The following GPC5 variants were observed in gnomAD, a reference collection of about 807,000 sequenced individuals.
The protein encoded by GPC5 is glypican-5.
In GPC5, 47 loss-of-function variants were observed where a neutral mutation model predicts 53.9. The observed-to-expected ratio is 0.87, with a 90% CI of 0.69 to 1.11. The LOEUF is 1.11. Ranked by LOEUF, GPC5 falls within the 50% of genes most tolerant of loss-of-function variation. The pLI is 0.00. For synonymous variants in GPC5, 286 were observed against 263.3 expected, an observed-to-expected ratio of 1.09 and a Z score of -0.84; for missense variants, 748 against 713.1, an observed-to-expected ratio of 1.05 and a Z score of -0.56.
intron 7 of GPC5, among the ~76,000 whole-genome samples, chr13:92,521,397 C>G (rs183325561): frequency 6.6e-6 from 1 of 152,134 alleles, no homozygotes; most frequent in Non-Finnish European, 1.5e-5. Context: ...CTACAGTAAC[C>G]GAAACAGCAT....
At chr13:91,455,492 G>A (rs1235711073) in intron 2 of GPC5, among the ~76,000 whole-genome samples, 6 of 151,986 alleles carry the variant, frequency 3.9e-5, no homozygotes, top group Admixed American at 6.6e-5. Context: ...TCTTTATTTT[G>A]TATTTTATTT....
chr13:92,779,439 T>G (rs987732606), intron 7 of GPC5, among the ~76,000 whole-genome samples: 3 of 151,914 alleles, frequency 2.0e-5, no homozygotes, highest in Non-Finnish European at 4.4e-5. Flanking sequence ...CAAATTTCAG[T>G]ACTACCTGCG....
intron 7 of GPC5, among the ~76,000 whole-genome samples, chr13:92,239,420 G>T (rs535251756): frequency 6.6e-6 from 1 of 151,720 alleles, no homozygotes; most frequent in Non-Finnish European, 1.5e-5. Flanking sequence ...GTGAATACCC[G>T]CACAATTCTT....
intron 7 of GPC5, among the ~76,000 whole-genome samples, chr13:92,146,123 A>C (rs1342798735): frequency 6.6e-6 from 1 of 152,146 alleles, no homozygotes. Context: ...AATAGATGAG[A>C]ATTGGTGCAC....
chr13:92,793,859 C>A (rs1434683836), intron 7 of GPC5, among the ~76,000 whole-genome samples: 1 of 152,056 alleles, frequency 6.6e-6, no homozygotes, highest in Non-Finnish European at 1.5e-5. Flanking sequence ...CTGAATAGAC[C>A]AATAACAGGC....
intron 7 of GPC5, among the ~76,000 whole-genome samples, chr13:92,685,335 T>G (rs1310075035): frequency 6.6e-6 from 1 of 151,988 alleles, no homozygotes; most frequent in Non-Finnish European, 1.5e-5. Context: ...CCTTGGGTGA[T>G]CCACCCTCCT....
intron 2 of GPC5, among the ~76,000 whole-genome samples, chr13:91,650,147 T>C (rs1293232642): frequency 6.6e-6 from 1 of 152,122 alleles, no homozygotes; most frequent in Non-Finnish European, 1.5e-5. Context: ...GTATATGAAG[T>C]ATGTATGTTA....
In GPC5 at chr13:92,785,573, G is replaced by A. The variant is rs111494408; in HGVS notation, c.1562-80709G>A. Among the ~76,000 whole-genome samples the A allele has an allele frequency of 6.8e-3, 1,041 of 152,268 alleles. 9 individuals carry two copies. Among genetic ancestry groups the A allele is most frequent in the African/African-American group, 0.022 (909 of 41,566 alleles). ...GTGGAACCCTTTACTCCAATTCTCC[G>A]TGGAATATATAATCAACCTAGGAAT... On this transcript the variant is annotated intron_variant, in intron 7 of 7. Coordinates refer to ENST00000377067, the MANE Select transcript of GPC5 (RefSeq NM_004466.6).
chr13:92,129,611 G>A (rs1174478111), intron 6 of GPC5, among the ~76,000 whole-genome samples: 1 of 152,124 alleles, frequency 6.6e-6, no homozygotes, highest in Non-Finnish European at 1.5e-5. Flanking sequence ...AGACAAACTG[G>A]ATGAAATGGA....
In GPC5 at chr13:91,593,862, A is replaced by G. The variant is rs74105098; in HGVS notation, c.326-99325A>G. Among the ~76,000 whole-genome samples, 1,327 of 151,786 alleles carry G rather than the reference A, an allele frequency of 8.7e-3. 21 individuals carry two copies. Among genetic ancestry groups the G allele is most frequent in the African/African-American group, 0.03 (1,250 of 41,374 alleles). ...GTGTGGCCTGATAAATAGCAAAGAGATTTTCTTTCTGGCCATGATTAACCA... is the reference window on the plus strand; with the variant it reads ...GTGTGGCCTGATAAATAGCAAAGAGGTTTTCTTTCTGGCCATGATTAACCA... On this transcript the variant is annotated intron_variant, in intron 2 of 7. Coordinates refer to ENST00000377067, the MANE Select transcript of GPC5 (RefSeq NM_004466.6).
chr13:91,438,500 C>T (rs1880159315), intron 1 of GPC5, among the ~76,000 whole-genome samples: 1 of 152,192 alleles, frequency 6.6e-6, no homozygotes, highest in Non-Finnish European at 1.5e-5. Context: ...GCAAATGTTG[C>T]TGCCTGATCG....
chr13:91,721,129 CTTTCTTT>C (rs2036462323), intron 3 of GPC5, among the ~76,000 whole-genome samples: 2 of 58,412 alleles, frequency 3.4e-5, no homozygotes, highest in Non-Finnish European at 6.9e-5. Context: ...TTCTTTCTTT[CTTTCTTT>C]CTTTTTTTGG....
At position 92,391,820 on chromosome 13, in the gene GPC5, A is replaced by G. The variant is rs140286470; in HGVS notation, c.1561+246831A>G. On this transcript the variant is annotated intron_variant, in intron 7 of 7. Transcript: ENST00000377067. ...CACATAGAATCCCAGGCTACTGATT[A>G]TCACTTTCTAGAAGGTCATGTCTGG... Among the ~76,000 whole-genome samples the G allele has an allele frequency of 1.9e-3, 290 of 152,298 alleles. 2 individuals carry two copies. Among genetic ancestry groups the G allele is most frequent in the African/African-American group, 6.4e-3 (267 of 41,572 alleles).
At chr13:92,402,355 T>C (rs531789170) in intron 7 of GPC5, among the ~76,000 whole-genome samples, 3 of 152,340 alleles carry the variant, frequency 2.0e-5, no homozygotes, top group East Asian at 3.9e-4. Flanking sequence ...GAACCTTTTT[T>C]TCTCTTTCCA....
chr13:92,506,254 CATT>C (rs572958428), intron 7 of GPC5, among the ~76,000 whole-genome samples: 4 of 151,952 alleles, frequency 2.6e-5, no homozygotes, highest in Non-Finnish European at 5.9e-5. Flanking sequence ...GAAGTAGAAT[CATT>C]ATAGGAACAC....
intron 7 of GPC5, among the ~76,000 whole-genome samples, chr13:92,426,099 C>A (rs1876820158): frequency 6.6e-6 from 1 of 152,046 alleles, no homozygotes; most frequent in African/African-American, 2.4e-5. Context: ...AAATGCTTTA[C>A]TTTGACATAC....
intron 6 of GPC5, among the ~76,000 whole-genome samples, chr13:91,950,821 A>C (rs921502985): frequency 5.3e-5 from 8 of 152,180 alleles, no homozygotes; most frequent in African/African-American, 1.7e-4. Context: ...CCCTATTGTA[A>C]GAAATTGACA....
At chr13:91,717,943 A>G (rs1009278995) in intron 3 of GPC5, among the ~76,000 whole-genome samples, 1 of 152,302 alleles carries the variant, frequency 6.6e-6, no homozygotes, top group Middle Eastern at 3.4e-3. Context: ...AAATATGGTC[A>G]TATCGATTTC....
chr13:91,737,305 G>C (rs2036837097), intron 4 of GPC5, among the ~76,000 whole-genome samples: 1 of 151,398 alleles, frequency 6.6e-6, no homozygotes, highest in South Asian at 2.1e-4. Flanking sequence ...CAAGAGTTCA[G>C]TTCAAAACAA....
Sources: gnomAD v4.1 joint callset for allele counts (sites outside exome capture counted in the v4.1 genomes callset) on GRCh38, gnomAD v4.1.1 for gene constraint, MANE v1.5 for transcripts, NCBI Gene and HGNC (gene_info 2026-07-23, HGNC 2026-07-21) for gene names.